SEM1: variants seen among roughly 807,000 people sequenced by gnomAD.
SEM1 encodes the protein 26S proteasome complex subunit SEM1.
A neutral mutation model predicts 12.7 loss-of-function variants in SEM1; 3 were observed. The ratio of observed to expected loss-of-function variants is 0.24; its 90% CI spans 0.11 to 0.61. The LOEUF (loss-of-function observed/expected upper bound fraction) is 0.61. Ranked by LOEUF, SEM1 falls within the 20% of genes least tolerant of loss-of-function variation. SEM1 has a pLI of 0.88. For synonymous variants in SEM1, 30 were observed against 27.8 expected, an observed-to-expected ratio of 1.08 and a Z score of -0.25; for missense variants, 59 against 81.3, an observed-to-expected ratio of 0.73 and a Z score of 1.06.
chr7:96,695,060 C>T (rs1790045905), intron 1 of SEM1, 169 bp from the exon 2 acceptor site: 1 of 427,086 alleles, frequency 2.3e-6, no homozygotes, highest in Non-Finnish European at 4.1e-6. Flanking sequence ...CTAGTTCTCT[C>T]AATTCTTGAG....
chr7:96,593,879 C>T lies in SEM1; in HGVS notation c.171-87181G>A, dbSNP rs188976029. Among the ~76,000 whole-genome samples the T allele has an allele frequency of 1.7e-4, 26 of 151,172 alleles. No homozygotes were observed. The East Asian group carries it at 4.3e-3, about 25-fold the overall frequency. On this transcript the variant is annotated intron_variant and NMD_transcript_variant, in intron 2 of 3. Transcript: ENST00000466986. ...CTCAACACTTTGGTACTTATAACAT[C>T]TATGTTGACTATGTAGATAAAAAGT...
At chr7:96,592,037 CAA>C (rs1007273703) in intron 2 of SEM1, among the ~76,000 whole-genome samples, 1 of 151,982 alleles carries the variant, frequency 6.6e-6, no homozygotes, top group African/African-American at 2.4e-5. Flanking sequence ...GAGGTGCTGA[CAA>C]GAGGGGATGC....
intron 2 of SEM1, among the ~76,000 whole-genome samples, chr7:96,602,841 T>G (rs1807234314): frequency 6.6e-6 from 1 of 152,216 alleles, no homozygotes; most frequent in Non-Finnish European, 1.5e-5. Context: ...TCAATCTTGC[T>G]CAGCTTTGAA....
At chr7:96,546,776 T>C (rs936127108) in intron 2 of SEM1, among the ~76,000 whole-genome samples, 3 of 152,116 alleles carry the variant, frequency 2.0e-5, no homozygotes, top group Non-Finnish European at 4.4e-5. Context: ...AATTTAAATA[T>C]TTAAAAACAG....
rs753119505 is a variant in SEM1 at position 96,487,569 on chromosome 7, C to A, written c.13-1152G>T. On this transcript the variant is annotated intron_variant, in intron 1 of 3. Coordinates refer to the SEM1 transcript ENST00000356686. Reference sequence around the variant, plus strand: ...GTTTGGAGGCTTTAACTCATTTGAGCCTTACGACTATTCTCTAAGGTGGAC... The same window carrying A: ...GTTTGGAGGCTTTAACTCATTTGAGACTTACGACTATTCTCTAAGGTGGAC... Among the ~76,000 whole-genome samples the A allele has an allele frequency of 1.1e-4, 16 of 150,068 alleles. 1 individual carries two copies. Among genetic ancestry groups the A allele is most frequent in the Non-Finnish European group, 2.9e-5 (2 of 68,032 alleles).
chr7:96,486,173 T>G, intron 2 of SEM1: 4 of 1,488,246 alleles, frequency 2.7e-6, no homozygotes, highest in Non-Finnish European at 3.6e-6. Context: ...ACCTTTTTTT[T>G]TTTTCCTCCT....
Position 96,661,687 on chromosome 7 carries a change from G to A in SEM1, c.170+33111C>T, listed in dbSNP as rs138686674. 7.7e-3 allele frequency among the ~76,000 whole-genome samples: 1,177 copies of A among 152,214 alleles called. 15 individuals carry two copies. Among genetic ancestry groups the A allele is most frequent in the African/African-American group, 0.027 (1,107 of 41,558 alleles). On this transcript the variant is annotated intron_variant, in intron 2 of 2. Transcript: ENST00000417009. ...GGACTAGAACTGACTAGTCAAAGGC[G>A]ATTATTAAAAAGTCAGGGGGCCGGG...
chr7:96,523,750 G>C (rs1804358584), intron 2 of SEM1, among the ~76,000 whole-genome samples: 1 of 151,932 alleles, frequency 6.6e-6, no homozygotes, highest in African/African-American at 2.4e-5. Flanking sequence ...AAATATGCTG[G>C]CTCCTTCATT....
In SEM1 at chr7:96,709,434, T is replaced by C. The variant is rs372053303; in HGVS notation, c.76+254A>G. Among the ~76,000 whole-genome samples the C allele has an allele frequency of 7.2e-5, 11 of 152,310 alleles. No homozygotes were observed. In the East Asian group the frequency reaches 1.4e-3, roughly 19 times the overall value. ...ACCAACCATCACAGACGCGGGGCTA[T>C]GGGTCCAGACTCACGGTGGCTCCTC... On this transcript the variant is annotated intron_variant, in intron 1 of 2. Coordinates refer to ENST00000248566, the MANE Select transcript of SEM1 (RefSeq NM_006304.2).
intron 2 of SEM1, among the ~76,000 whole-genome samples, chr7:96,546,372 G>T (rs1584752741): frequency 6.6e-6 from 1 of 152,138 alleles, no homozygotes; most frequent in Non-Finnish European, 1.5e-5. Context: ...CAAACCAATT[G>T]TCACATACCT....
chr7:96,680,270 A>C (rs367566956), intron 2 of SEM1, among the ~76,000 whole-genome samples: 1 of 152,058 alleles, frequency 6.6e-6, no homozygotes, highest in Admixed American at 6.6e-5. Context: ...TTCTGTAATA[A>C]AATACTCACA....
intron 2 of SEM1, among the ~76,000 whole-genome samples, chr7:96,593,257 C>A (rs2116147354): frequency 6.6e-6 from 1 of 152,260 alleles, no homozygotes. Context: ...ATTGCGTTCA[C>A]AACAACACAT....
chr7:96,488,709 C>T (rs1004962717), intron 1 of SEM1, among the ~76,000 whole-genome samples: 7 of 152,068 alleles, frequency 4.6e-5, no homozygotes, highest in East Asian at 1.9e-4. Flanking sequence ...GTGGATTTTA[C>T]CAACGCTTTT....
chr7:96,491,631 T>G lies in SEM1; in HGVS notation c.12+4653A>C, dbSNP rs907625831. ...TCAAAGGCAGCCTCATATTTACTGC[T>G]GCGTTTTCCTGATTTTTAGACTTTG... On this transcript the variant is annotated intron_variant, in intron 1 of 3. Coordinates refer to the SEM1 transcript ENST00000356686. Among the ~76,000 whole-genome samples the G allele has an allele frequency of 2.4e-4, 37 of 152,190 alleles. 1 individual carries two copies.
intron 2 of SEM1, 148 bp from the exon 3 acceptor site, chr7:96,689,114 A>T (rs569384907): frequency 9.6e-6 from 5 of 522,150 alleles, no homozygotes; most frequent in East Asian, 3.2e-5. Flanking sequence ...TCTCTGAAAA[A>T]AAAACATAAG....
downstream of SEM1, among the ~76,000 whole-genome samples, chr7:96,684,907 C>G (rs1789719665): frequency 2.0e-5 from 3 of 152,056 alleles, no homozygotes; most frequent in Admixed American, 2.0e-4. Context: ...CATATGGATA[C>G]AGCAAGAAGT....
chr7:96,520,590 C>T (rs73708337), intron 2 of SEM1, among the ~76,000 whole-genome samples: 7,057 of 152,178 alleles, frequency 0.046, 558 homozygotes, highest in African/African-American at 0.16. Flanking sequence ...CCTCCTTCTC[C>T]TTGGTCCCCC....
At chr7:96,557,830 A>G (rs1213047322) in intron 2 of SEM1, among the ~76,000 whole-genome samples, 1 of 152,084 alleles carries the variant, frequency 6.6e-6, no homozygotes, top group Non-Finnish European at 1.5e-5. Flanking sequence ...CTGCTGTGCT[A>G]GCAATCAGCC....
chr7:96,608,557 T>C (rs551174661), intron 2 of SEM1, among the ~76,000 whole-genome samples: 4 of 152,218 alleles, frequency 2.6e-5, no homozygotes, highest in African/African-American at 9.6e-5. Flanking sequence ...AAAGAAGCCT[T>C]GTACCCACTT....
Sources: gnomAD v4.1 joint callset for allele counts (sites outside exome capture counted in the v4.1 genomes callset) on GRCh38, gnomAD v4.1.1 for gene constraint, MANE v1.5 for transcripts, NCBI Gene and HGNC (gene_info 2026-07-23, HGNC 2026-07-21) for gene names.